Variants in RAB31 observed in about 807,000 individuals in gnomAD.
RAB31 encodes ras-related protein Rab-31.
In RAB31, 21 loss-of-function variants were observed where a neutral mutation model predicts 25.6. That is an observed-to-expected ratio of 0.82 (90% CI 0.58 to 1.18). RAB31 has a LOEUF of 1.18. Among genes scored for constraint, RAB31 ranks in the 50% most tolerant of loss-of-function variants. RAB31 has a pLI of 0.00. For missense variants in RAB31, 196 were observed against 250.1 expected (o/e 0.78, Z 1.46); for synonymous variants, 87 against 84.0 (o/e 1.04, Z -0.20).
At chr18:9,848,019 C>T (rs571452172) in intron 6 of RAB31, among the ~76,000 whole-genome samples, 1 of 152,276 alleles carries the variant, frequency 6.6e-6, no homozygotes, top group East Asian at 1.9e-4. Flanking sequence ...ATTATGGTTT[C>T]AAAGTAATTA....
intron 1 of RAB31, among the ~76,000 whole-genome samples, chr18:9,730,997 G>A (rs1312125040): frequency 6.6e-6 from 1 of 152,200 alleles, no homozygotes; most frequent in East Asian, 1.9e-4. Context: ...TTCCATGTGA[G>A]CCTCACTACA....
At chr18:9,821,830 AGACATATTATGTTTAT>A (rs2068625874) in intron 5 of RAB31, among the ~76,000 whole-genome samples, 1 of 152,170 alleles carries the variant, frequency 6.6e-6, no homozygotes. Context: ...ATAAATGGAG[AGACATATTATGTTTAT>A]GAATTGAAAG....
chr18:9,798,097 G>T (rs1051199239), intron 3 of RAB31, among the ~76,000 whole-genome samples: 1 of 152,222 alleles, frequency 6.6e-6, no homozygotes, highest in African/African-American at 2.4e-5. Flanking sequence ...CATTATACAT[G>T]CAAGGCATGA....
chr18:9,754,887 G>A (rs932302739), intron 1 of RAB31, among the ~76,000 whole-genome samples: 4 of 152,176 alleles, frequency 2.6e-5, no homozygotes, highest in Non-Finnish European at 5.9e-5. Context: ...TGTTTAGTGA[G>A]TGGAAGAATA....
intron 3 of RAB31, among the ~76,000 whole-genome samples, chr18:9,801,332 A>G (rs1599044245): frequency 2.1e-5 from 3 of 144,948 alleles, no homozygotes; most frequent in Non-Finnish European, 4.5e-5. Context: ...CCTAGGCTGG[A>G]GTACAGTGGC....
intron 1 of RAB31, among the ~76,000 whole-genome samples, chr18:9,715,178 G>A (rs539510045): frequency 3.9e-5 from 6 of 152,080 alleles, no homozygotes; most frequent in Admixed American, 6.6e-5. Context: ...CAAATACAGC[G>A]GGGGCTGTGA....
intron 1 of RAB31, among the ~76,000 whole-genome samples, chr18:9,760,555 A>G (rs907520575): frequency 3.3e-5 from 5 of 152,184 alleles, no homozygotes; most frequent in African/African-American, 1.2e-4. Context: ...CATTTCAAAT[A>G]GAATGATCTT....
At chr18:9,734,904 G>T (rs565133541) in intron 1 of RAB31, 2 of 304,796 alleles carry the variant, frequency 6.6e-6, no homozygotes, top group Admixed American at 6.6e-5. Flanking sequence ...CATGATGACA[G>T]ACTGCTTTGG....
At chr18:9,754,757 T>G (rs2068252500) in intron 1 of RAB31, among the ~76,000 whole-genome samples, 1 of 152,180 alleles carries the variant, frequency 6.6e-6, no homozygotes, top group Non-Finnish European at 1.5e-5. Context: ...CATTCTCAGA[T>G]TTTGGTATCT....
Position 9,810,334 on chromosome 18 carries a change from T to C in RAB31, c.202-3686T>C, listed in dbSNP as rs562469293. 3.9e-4 allele frequency among the ~76,000 whole-genome samples: 59 copies of C among 152,384 alleles called. 1 individual carries two copies. Among genetic ancestry groups the C allele is most frequent in the Middle Eastern group, 3.4e-3 (1 of 294 alleles). On this transcript the variant is annotated intron_variant, in intron 3 of 6. Coordinates refer to ENST00000578921, the MANE Select transcript of RAB31 (RefSeq NM_006868.4). Reference sequence around the variant, plus strand: ...GTGAGCATTCCATCAGTCTTATTTCTGACCCCACAGGAATTGAATTATGTC... The same window carrying C: ...GTGAGCATTCCATCAGTCTTATTTCCGACCCCACAGGAATTGAATTATGTC...
chr18:9,746,013 A>G (rs4798843), intron 1 of RAB31, among the ~76,000 whole-genome samples: 139,921 of 152,228 alleles, frequency 0.92, 64,472 homozygotes, highest in Admixed American at 0.94. Flanking sequence ...TCCTAGATAT[A>G]GAAAATTTCA....
intron 5 of RAB31, among the ~76,000 whole-genome samples, chr18:9,839,969 A>C (rs1274552771): frequency 2.0e-5 from 3 of 151,932 alleles, no homozygotes; most frequent in African/African-American, 4.8e-5. Context: ...CTCAGGAGGG[A>C]CTCCAGCTGG....
At chr18:9,765,599 T>C (rs2068311763) in intron 1 of RAB31, among the ~76,000 whole-genome samples, 1 of 152,158 alleles carries the variant, frequency 6.6e-6, no homozygotes, top group African/African-American at 2.4e-5. Flanking sequence ...GTGCTTGAGG[T>C]ACAGAGGAAT....
intron 2 of RAB31, among the ~76,000 whole-genome samples, chr18:9,779,613 T>G (rs1440574629): frequency 6.6e-6 from 1 of 152,214 alleles, no homozygotes; most frequent in East Asian, 1.9e-4. Context: ...GTATGCCCCG[T>G]GCAATATTTG....
chr18:9,824,411 AGT>A (rs1362395491), intron 5 of RAB31, among the ~76,000 whole-genome samples: 5 of 114,616 alleles, frequency 4.4e-5, no homozygotes, highest in African/African-American at 3.8e-5. Context: ...TGTGTATATG[AGT>A]GTGTGTAGAT....
chr18:9,772,079 C>T (rs1448809201), intron 1 of RAB31, among the ~76,000 whole-genome samples: 1 of 152,178 alleles, frequency 6.6e-6, no homozygotes, highest in South Asian at 2.1e-4. Context: ...CTTCCCTTTT[C>T]CGCCTTCAAG....
chr18:9,845,834 C>G (rs1257561420), intron 6 of RAB31, 143 bp downstream of exon 6: 10 of 1,290,752 alleles, frequency 7.7e-6, no homozygotes, highest in Non-Finnish European at 1.0e-5. Context: ...TACAGCTATG[C>G]AGTTGTTAAT....
At chr18:9,777,214 G>A (rs2068376605) in intron 2 of RAB31, among the ~76,000 whole-genome samples, 1 of 152,074 alleles carries the variant, frequency 6.6e-6, no homozygotes, top group Non-Finnish European at 1.5e-5. Context: ...GGTGGCACGC[G>A]CCTATAGTCC....
intron 5 of RAB31, among the ~76,000 whole-genome samples, chr18:9,821,441 T>C (rs1024698490): frequency 9.2e-5 from 14 of 152,260 alleles, no homozygotes; most frequent in African/African-American, 3.4e-4. Context: ...TAGGATTACA[T>C]TCTTTTTATG....
Sources: allele counts gnomAD v4.1 joint callset (sites outside exome capture counted in the v4.1 genomes callset), GRCh38; gene constraint gnomAD v4.1.1; transcripts MANE v1.5; gene names NCBI Gene and HGNC (gene_info 2026-07-23, HGNC 2026-07-21).